The following ZNF804A variants were observed in gnomAD, a reference collection of about 807,000 sequenced individuals.
ZNF804A encodes the protein zinc finger protein 804A.
ZNF804A carries 2 observed loss-of-function variants against 16.5 expected under a neutral mutation model. The ratio of observed to expected loss-of-function variants is 0.12; its 90% CI spans 0.05 to 0.38. The LOEUF (loss-of-function observed/expected upper bound fraction) is 0.38. Among genes scored for constraint, ZNF804A ranks in the 10% least tolerant of loss-of-function variants. The probability of loss-of-function intolerance (pLI) is 0.99; values close to 1 mark genes in which losing one functional copy is unlikely to be tolerated. For missense variants in ZNF804A, 1,473 were observed against 1,390.7 expected (o/e 1.06, Z -0.94); for synonymous variants, 534 against 489.6 (o/e 1.09, Z -1.20).
intron 1 of ZNF804A, among the ~76,000 whole-genome samples, chr2:184,612,435 AT>A (rs71403979): frequency 2.2e-3 from 320 of 142,848 alleles, no homozygotes; most frequent in Middle Eastern, 3.6e-3. Context: ...GAAAGATGTA[AT>A]TTTTTTTTTT....
intron 1 of ZNF804A, among the ~76,000 whole-genome samples, chr2:184,710,238 C>G (rs1018580330): frequency 7.3e-5 from 11 of 151,574 alleles, no homozygotes; most frequent in Non-Finnish European, 1.3e-4. Flanking sequence ...TGAACTGTCA[C>G]TATAATCATG....
At chr2:184,839,168 G>A (rs1391870712) in intron 1 of ZNF804A, among the ~76,000 whole-genome samples, 2 of 151,960 alleles carry the variant, frequency 1.3e-5, no homozygotes, top group Non-Finnish European at 2.9e-5. Context: ...CAATTCCAAA[G>A]CACAAATAAA....
rs564987848 is a variant in ZNF804A, at chr2:184,651,739, G to A, written c.111+52669G>A. On this transcript the variant is annotated intron_variant, in intron 1 of 3. Transcript: ENST00000302277. ...AAAATGCAAATCAGAATCACAATGA[G>A]ATACCATCTCACACTACTCAGAATA... is the stretch of plus-strand genomic sequence containing the variant. 7.2e-5 allele frequency among the ~76,000 whole-genome samples: 11 copies of A among 152,118 alleles called. No homozygotes were observed. In the South Asian group the frequency reaches 2.3e-3, roughly 32 times the overall value.
chr2:184,845,421 T>C lies in ZNF804A; in HGVS notation c.112-20948T>C, dbSNP rs141464070. On this transcript the variant is annotated intron_variant, in intron 1 of 3. Coordinates refer to ENST00000302277, the MANE Select transcript of ZNF804A (RefSeq NM_194250.2). ...TCTTCTGTGATATAGAATTTTTTTC[T>C]TTCTCCCCCAGGCCTTTATTCCATT... Among the ~76,000 whole-genome samples, 17 of 152,230 alleles carry C rather than the reference T, an allele frequency of 1.1e-4. No individual in the cohort carries two copies. The East Asian group carries it at 3.3e-3, about 29-fold the overall frequency.
intron 1 of ZNF804A, among the ~76,000 whole-genome samples, chr2:184,764,915 A>G (rs1368323996): frequency 2.0e-5 from 3 of 152,180 alleles, no homozygotes; most frequent in African/African-American, 7.2e-5. Context: ...ACTAAATTTT[A>G]AAGTTACTGG....
At chr2:184,859,862 G>T (rs1023775148) in intron 1 of ZNF804A, among the ~76,000 whole-genome samples, 3 of 152,224 alleles carry the variant, frequency 2.0e-5, no homozygotes, top group Admixed American at 2.0e-4. Flanking sequence ...AGGTAGGTGG[G>T]CCTAGTACCT....
At chr2:184,787,191 T>C (rs1694461870) in intron 1 of ZNF804A, among the ~76,000 whole-genome samples, 1 of 152,002 alleles carries the variant, frequency 6.6e-6, no homozygotes. Flanking sequence ...TAGCTCTCGC[T>C]AATAAATTAG....
chr2:184,919,776 C>T (rs1685501595), intron 2 of ZNF804A, among the ~76,000 whole-genome samples: 1 of 152,050 alleles, frequency 6.6e-6, no homozygotes, highest in Non-Finnish European at 1.5e-5. Context: ...ATGTTCTTCC[C>T]ATTGTGAGAA....
chr2:184,735,225 ATTC>A (rs1420944722), intron 1 of ZNF804A, among the ~76,000 whole-genome samples: 1 of 152,152 alleles, frequency 6.6e-6, no homozygotes, highest in African/African-American at 2.4e-5. Context: ...TTTAAAAATA[ATTC>A]TTTCCTTTTC....
At chr2:184,885,871 C>T (rs1199185735) in intron 2 of ZNF804A, among the ~76,000 whole-genome samples, 1 of 152,160 alleles carries the variant, frequency 6.6e-6, no homozygotes, top group African/African-American at 2.4e-5. Context: ...CTGAGAGATA[C>T]AATTTAAGTT....
At chr2:184,725,550 G>A (rs575820540) in intron 1 of ZNF804A, among the ~76,000 whole-genome samples, 2 of 151,438 alleles carry the variant, frequency 1.3e-5, no homozygotes, top group Non-Finnish European at 3.0e-5. Flanking sequence ...ACAGAAAGTT[G>A]CAAAAATAGT....
chr2:184,860,981 C>T (rs148222933), intron 1 of ZNF804A, among the ~76,000 whole-genome samples: 10 of 152,300 alleles, frequency 6.6e-5, no homozygotes, highest in African/African-American at 2.4e-4. Context: ...CCTGGGGCTA[C>T]TGAGGTCAGC....
At chr2:184,729,405 G>A (rs1451990934) in intron 1 of ZNF804A, among the ~76,000 whole-genome samples, 1 of 151,788 alleles carries the variant, frequency 6.6e-6, no homozygotes, top group Non-Finnish European at 1.5e-5. Context: ...ATAAAAACAT[G>A]AGTATATGCC....
At chr2:184,823,085 AGGCTAG>A (rs1695106703) in intron 1 of ZNF804A, among the ~76,000 whole-genome samples, 1 of 152,116 alleles carries the variant, frequency 6.6e-6, no homozygotes, top group African/African-American at 2.4e-5. Context: ...ACAGTATTGG[AGGCTAG>A]GAAGTCCAAG....
In ZNF804A at chr2:184,937,495, T is replaced by C; in HGVS notation, c.2099T>C (p.Leu700Ser). ...CACTGTAAAAAGAACACAATACTTT[T>C]AAATGGACAATCAAATGCAACAATG... ...KNHCKKNTIL[L>S]NGQSNATMIH... Residue 700 changes from leucine to serine, a missense_variant, in exon 4 of 4, where the codon TTA becomes TCA. Leu to Ser is a moderately radical substitution (Grantham distance 145, BLOSUM62 -2). Transcript: ENST00000302277. 1 of 1,612,282 alleles carries C rather than the reference T, an allele frequency of 6.2e-7. No homozygotes were observed. Among genetic ancestry groups the C allele is most frequent in the Non-Finnish European group, 8.5e-7 (1 of 1,179,138 alleles).
At chr2:184,916,658 G>C (rs1003045234) in intron 2 of ZNF804A, among the ~76,000 whole-genome samples, 1 of 152,128 alleles carries the variant, frequency 6.6e-6, no homozygotes, top group African/African-American at 2.4e-5. Flanking sequence ...GACCATCCTG[G>C]TCAACATGGT....
At chr2:184,828,328 C>T (rs2105794225) in intron 1 of ZNF804A, among the ~76,000 whole-genome samples, 1 of 151,702 alleles carries the variant, frequency 6.6e-6, no homozygotes, top group South Asian at 2.1e-4. Context: ...AATGTGATAA[C>T]AAAATAAAAC....
At chr2:184,902,454 CT>C (rs1343505440) in intron 2 of ZNF804A, 1 of 152,444 alleles carries the variant, frequency 6.6e-6, no homozygotes, top group Non-Finnish European at 1.5e-5. Context: ...TGTGGATCAT[CT>C]TTATGTGTGC....
intron 2 of ZNF804A, among the ~76,000 whole-genome samples, chr2:184,921,265 T>C (rs548360341): frequency 6.6e-6 from 1 of 152,316 alleles, no homozygotes; most frequent in Admixed American, 6.5e-5. Flanking sequence ...AATTCTAGTT[T>C]TAAAACTCTA....
Sources: allele counts gnomAD v4.1 joint callset (sites outside exome capture counted in the v4.1 genomes callset), GRCh38; gene constraint gnomAD v4.1.1; transcripts MANE v1.5; gene names NCBI Gene and HGNC (gene_info 2026-07-23, HGNC 2026-07-21).